UBE3C: variants seen among roughly 807,000 people sequenced by gnomAD.
The protein encoded by UBE3C is ubiquitin protein ligase E3C.
A neutral mutation model predicts 129.4 loss-of-function variants in UBE3C; 42 were observed. The observed-to-expected ratio is 0.32, with a 90% confidence interval of 0.25 to 0.42. UBE3C has a LOEUF of 0.42. UBE3C is among the 10% of genes least tolerant of loss of function. The pLI is 1.00. For synonymous variants in UBE3C, 510 were observed against 492.4 expected (o/e 1.04, Z -0.47); for missense variants, 1,049 against 1,319.1 (o/e 0.80, Z 3.17).
At chr7:157,198,356 G>T in intron 10 of UBE3C, 2 of 772,182 alleles carry the variant, frequency 2.6e-6, no homozygotes, top group Admixed American at 3.5e-5. Context: ...TTCTTCCAAG[G>T]CCAGTTTATT....
At chr7:157,266,735 C>T (rs937503066) in intron 22 of UBE3C, among the ~76,000 whole-genome samples, 6 of 152,122 alleles carry the variant, frequency 3.9e-5, no homozygotes, top group African/African-American at 1.2e-4. Context: ...AATCTTGATC[C>T]TTTTTAAAAA....
chr7:157,173,037 T>C (rs1808420137), intron 4 of UBE3C, among the ~76,000 whole-genome samples: 7 of 152,296 alleles, frequency 4.6e-5, no homozygotes, highest in Admixed American at 4.6e-4. Context: ...TTCTGAAACC[T>C]GAAATAGAAT....
intron 1 of UBE3C, among the ~76,000 whole-genome samples, chr7:157,146,306 A>G (rs900576103): frequency 2.0e-5 from 3 of 152,044 alleles, no homozygotes; most frequent in South Asian, 2.1e-4. Flanking sequence ...CAGTGGCGCA[A>G]TCTCGGCTCA....
chr7:157,147,092 G>T (rs1470022155), intron 1 of UBE3C, among the ~76,000 whole-genome samples: 1 of 152,032 alleles, frequency 6.6e-6, no homozygotes, highest in Admixed American at 6.6e-5. Context: ...ATTTTGATTG[G>T]GATTGTGCTG....
rs763305227 is a variant in UBE3C, at chr7:157,225,519, AC to A, written c.2214del (p.Asp738GlufsTer11). ...RRNYIYEDAY[D>X]KLSPENEPDL... ...AATTACATTTATGAAGATGCTTATGACAAACTTTCTCCAGAAAATGGTATAT... is the reference window on the plus strand; with the variant it reads ...AATTACATTTATGAAGATGCTTATGAAAACTTTCTCCAGAAAATGGTATAT... On this transcript the variant is annotated frameshift_variant, in exon 17 of 23. Coordinates refer to ENST00000348165, the MANE Select transcript of UBE3C (RefSeq NM_014671.3). LOFTEE classifies it high-confidence loss of function. 6.3e-7 allele frequency: 1 copy of A among 1,590,892 alleles called. No homozygotes were observed. The highest frequency in any genetic ancestry group is 8.5e-7 in the Non-Finnish European group (1 of 1,173,864).
At chr7:157,228,371 C>T (rs1466930932) in intron 17 of UBE3C, among the ~76,000 whole-genome samples, 28 of 152,186 alleles carry the variant, frequency 1.8e-4, no homozygotes, top group Admixed American at 1.6e-3. Context: ...CATGGGATTG[C>T]TGTAAGAATT....
At chr7:157,175,497 TC>T (rs1221465987) in intron 5 of UBE3C, among the ~76,000 whole-genome samples, 4 of 152,236 alleles carry the variant, frequency 2.6e-5, no homozygotes, top group Non-Finnish European at 5.9e-5. Context: ...GCATTCAGTG[TC>T]CGAAAGAACA....
intron 5 of UBE3C, among the ~76,000 whole-genome samples, chr7:157,177,943 T>A (rs1808565595): frequency 6.6e-6 from 1 of 150,612 alleles, no homozygotes; most frequent in Non-Finnish European, 1.5e-5. Flanking sequence ...TTTTTTTTTT[T>A]TAAGAAAAAG....
chr7:157,191,538 G>A (rs1166797613), intron 10 of UBE3C, among the ~76,000 whole-genome samples: 1 of 152,170 alleles, frequency 6.6e-6, no homozygotes, highest in Non-Finnish European at 1.5e-5. Context: ...TAATCTGCTT[G>A]TCTCAGCCCT....
intron 21 of UBE3C, among the ~76,000 whole-genome samples, chr7:157,255,083 G>A (rs1354487747): frequency 6.6e-6 from 1 of 152,046 alleles, no homozygotes; most frequent in Non-Finnish European, 1.5e-5. Flanking sequence ...TCATGCCACT[G>A]CACTCCAGCC....
intron 17 of UBE3C, among the ~76,000 whole-genome samples, chr7:157,228,904 C>T (rs1165675945): frequency 6.6e-6 from 1 of 152,228 alleles, no homozygotes; most frequent in Non-Finnish European, 1.5e-5. Flanking sequence ...ACATAGCAAT[C>T]TAGGGATAGA....
chr7:157,187,094 C>T (rs1386821530), intron 10 of UBE3C, 73 bp downstream of exon 10: 37 of 1,473,714 alleles, frequency 2.5e-5, no homozygotes, highest in Non-Finnish European at 3.2e-5. Flanking sequence ...GAATTGCTCT[C>T]CTCTTAAGTT....
chr7:157,180,004 G>A (rs572202633), intron 6 of UBE3C, among the ~76,000 whole-genome samples: 40 of 152,242 alleles, frequency 2.6e-4, no homozygotes, highest in Middle Eastern at 3.4e-3. Flanking sequence ...AAGACTAAGC[G>A]TTTGAGAATT....
At position 157,182,179 on chromosome 7, in the gene UBE3C, T is replaced by G. The variant is rs1236652384; in HGVS notation, c.842T>G (p.Ile281Ser). ...APFTDQIFHF[I>S]IPALADAQTV... is the part of the protein sequence containing the mutation. Reference sequence around the variant, plus strand: ...TTTACAGATCAGATTTTTCATTTCATCATTCCGGCGCTTGCAGATGCGCAG... The same window carrying G: ...TTTACAGATCAGATTTTTCATTTCAGCATTCCGGCGCTTGCAGATGCGCAG... Residue 281 changes from isoleucine (I) to serine (S), a missense_variant, in exon 8 of 23, where the codon ATC becomes AGC. Physicochemically the swap from Ile to Ser is moderately radical, Grantham distance 142 (BLOSUM62 -2). This residue lies in a region of UBE3C where 489 missense variants were observed against 513.8 expected (regional missense o/e 0.95). Coordinates refer to ENST00000348165, the MANE Select transcript of UBE3C (RefSeq NM_014671.3). 1.9e-6 allele frequency: 3 copies of G among 1,613,002 alleles called. No individual in the cohort carries two copies. Among genetic ancestry groups the G allele is most frequent in the Non-Finnish European group, 2.5e-6 (3 of 1,179,766 alleles).
In UBE3C at chr7:157,267,474, T is replaced by G. The variant is rs1308464864; in HGVS notation, c.3082-111T>G. ...AAATGTGGTTTCGGGAAAATGTGAC[T>G]GCAATGGTAACTTTACTGATTGGAG... On this transcript the variant is annotated intron_variant, in intron 22 of 22. Transcript: ENST00000348165. 1.4e-5 allele frequency: 18 copies of G among 1,304,172 alleles called. No homozygotes were observed. The East Asian group carries it at 4.4e-4, about 32-fold the overall frequency. The allele number at this position is 1,304,172 out of a possible 1,614,324, so 80.8% of individuals were successfully genotyped here. A position where few individuals can be genotyped will look rare whatever the true frequency, so the allele number is the denominator to read the frequency against.
intron 1 of UBE3C, among the ~76,000 whole-genome samples, chr7:157,148,919 G>C (rs75581021): frequency 0.013 from 1,906 of 151,960 alleles, 42 homozygotes; most frequent in African/African-American, 0.044. Flanking sequence ...CCCCAGCCTG[G>C]CTCTGAAAAT....
In UBE3C at chr7:157,156,713, T is replaced by TA. The variant is rs555689452; in HGVS notation, c.67-7080dup. ...ATAGGTGTGTAAATTCCCTTCTTTT[T>TA]AAAAAAAAAAAAAAAAACACAAGCT... On this transcript the variant is annotated intron_variant, in intron 1 of 22. Coordinates refer to ENST00000348165, the MANE Select transcript of UBE3C (RefSeq NM_014671.3). Among the ~76,000 whole-genome samples, 975 of 140,472 alleles carry TA rather than the reference T, an allele frequency of 6.9e-3. 5 individuals are homozygous for TA. The highest frequency in any genetic ancestry group is 0.032 in the East Asian group (151 of 4,778). The allele number at this position is 140,472 out of a possible 152,430, so 92.2% of individuals were successfully genotyped here.
chr7:157,217,215 A>G (rs1795605373), intron 14 of UBE3C: 3 of 338,316 alleles, frequency 8.9e-6, no homozygotes, highest in Non-Finnish European at 1.6e-5. Flanking sequence ...CTGAGATTAT[A>G]TTAAAGCCTT....
intron 18 of UBE3C, among the ~76,000 whole-genome samples, chr7:157,238,696 A>C (rs1563069932): frequency 6.6e-6 from 1 of 152,128 alleles, no homozygotes; most frequent in Admixed American, 6.5e-5. Flanking sequence ...CAGCATTCCC[A>C]GGGTCCTTAA....
Sources: allele counts gnomAD v4.1 joint callset (sites outside exome capture counted in the v4.1 genomes callset), GRCh38; gene constraint gnomAD v4.1.1; regional missense constraint gnomAD v4.1.1; transcripts MANE v1.5; gene names NCBI Gene and HGNC (gene_info 2026-07-23, HGNC 2026-07-21).